SPRR2G: variants seen among roughly 807,000 people sequenced by gnomAD.
SPRR2G encodes the protein small proline-rich protein 2G.
SPRR2G carries 1 observed loss-of-function variant against 0.7 expected under a neutral mutation model. The observed-to-expected ratio is 1.49, with a 90% confidence interval of 0.53 to 7.06. The LOEUF (loss-of-function observed/expected upper bound fraction) is 7.06. SPRR2G is among the 30% of genes most tolerant of loss of function. SPRR2G has a pLI of 0.14. For synonymous variants in SPRR2G, 38 were observed against 33.9 expected (o/e 1.12, Z -0.42); for missense variants, 96 against 88.5 (o/e 1.09, Z -0.34).
the SPRR2G span, among the ~76,000 whole-genome samples, chr1:153,193,977 A>G: frequency 1.3e-5 from 2 of 152,264 alleles, no homozygotes; most frequent in South Asian, 4.2e-4. Context: ...AGATGAAGAA[A>G]CCAAAGACAC....
At chr1:153,183,509 T>C in the SPRR2G span, among the ~76,000 whole-genome samples, 1 of 152,118 alleles carries the variant, frequency 6.6e-6, no homozygotes, top group South Asian at 2.1e-4. Context: ...TGGCCACATA[T>C]ATGTCTTCTT....
chr1:153,151,621 T>C (rs115848828), upstream of SPRR2G, among the ~76,000 whole-genome samples: 595 of 152,294 alleles, frequency 3.9e-3, 9 homozygotes, highest in African/African-American at 0.013. Context: ...CTACTAGAAA[T>C]CCAAACTCAT....
the SPRR2G span, among the ~76,000 whole-genome samples, chr1:153,168,904 A>ATGTGTGTGTG: frequency 0.031 from 4,541 of 148,128 alleles, 86 homozygotes; most frequent in African/African-American, 0.05. Context: ...TCATGAGTGT[A>ATGTGTGTGTG]TGTGTGTGTG....
At chr1:153,190,401 TCAAGA>T in the SPRR2G span, 2 of 152,282 alleles carry the variant, frequency 1.3e-5, no homozygotes, top group Admixed American at 1.3e-4. Flanking sequence ...GTCTTCAGAT[TCAAGA>T]TGGAAGATAT....
the SPRR2G span, among the ~76,000 whole-genome samples, chr1:153,199,520 T>C: frequency 6.6e-6 from 1 of 152,192 alleles, no homozygotes; most frequent in Non-Finnish European, 1.5e-5. Context: ...AGGTCTTTCT[T>C]TCTCATTCCT....
At chr1:153,178,772 G>A in the SPRR2G span, among the ~76,000 whole-genome samples, 4 of 151,950 alleles carry the variant, frequency 2.6e-5, no homozygotes, top group Non-Finnish European at 5.9e-5. Flanking sequence ...TTCAATATCA[G>A]GGCTACGTTA....
the SPRR2G span, among the ~76,000 whole-genome samples, chr1:153,182,195 T>C: frequency 6.6e-6 from 1 of 152,188 alleles, no homozygotes; most frequent in Non-Finnish European, 1.5e-5. Context: ...CATATACTTG[T>C]TGGCCATTTG....
the SPRR2G span, among the ~76,000 whole-genome samples, chr1:153,193,978 C>T: frequency 1.3e-5 from 2 of 152,146 alleles, no homozygotes; most frequent in Admixed American, 1.3e-4. Flanking sequence ...GATGAAGAAA[C>T]CAAAGACACA....
the SPRR2G span, among the ~76,000 whole-genome samples, chr1:153,182,576 G>A: frequency 1.3e-5 from 2 of 152,002 alleles, no homozygotes; most frequent in African/African-American, 4.8e-5. Context: ...GGTGTGTGAT[G>A]TTCCCCTCCC....
the SPRR2G span, among the ~76,000 whole-genome samples, chr1:153,184,410 A>C: frequency 1.5e-3 from 232 of 152,290 alleles, 1 homozygote; most frequent in African/African-American, 5.3e-3. Context: ...TTATCCTTGA[A>C]GAGGTCCTTC....
At chr1:153,185,751 G>A in the SPRR2G span, among the ~76,000 whole-genome samples, 1 of 152,042 alleles carries the variant, frequency 6.6e-6, no homozygotes. Context: ...CTTGTCTCCT[G>A]CTAGCTTTTG....
chr1:153,177,672 G>A, the SPRR2G span, among the ~76,000 whole-genome samples: 1 of 152,058 alleles, frequency 6.6e-6, no homozygotes, highest in African/African-American at 2.4e-5. Context: ...CTATTTCTGA[G>A]TTCTTTATGC....
At chr1:153,195,930 G>T in the SPRR2G span, among the ~76,000 whole-genome samples, 5 of 152,276 alleles carry the variant, frequency 3.3e-5, no homozygotes, top group South Asian at 1.0e-3. Flanking sequence ...CATAGGTGGT[G>T]AGTGACTCCT....
chr1:153,168,366 C>G, the SPRR2G span, among the ~76,000 whole-genome samples: 1 of 152,190 alleles, frequency 6.6e-6, no homozygotes, highest in African/African-American at 2.4e-5. Context: ...ATATCAGGAG[C>G]TCAACTCAGC....
chr1:153,195,370 G>T, the SPRR2G span, among the ~76,000 whole-genome samples: 2 of 152,178 alleles, frequency 1.3e-5, no homozygotes, highest in Non-Finnish European at 2.9e-5. Flanking sequence ...GCAAGGATTG[G>T]ACACGTGGGC....
At chr1:153,193,787 A>G in the SPRR2G span, among the ~76,000 whole-genome samples, 6 of 152,016 alleles carry the variant, frequency 3.9e-5, no homozygotes, top group Non-Finnish European at 7.4e-5. Flanking sequence ...AGTAAATTAG[A>G]CCTGCCTCCA....
At chr1:153,174,773 G>A in the SPRR2G span, 1 of 152,162 alleles carries the variant, frequency 6.6e-6, no homozygotes, top group African/African-American at 2.4e-5. Flanking sequence ...TTTGCTACAG[G>A]CCCAAATTAT....
At chr1:153,173,457 A>T in the SPRR2G span, among the ~76,000 whole-genome samples, 10 of 152,302 alleles carry the variant, frequency 6.6e-5, 1 homozygote, top group Middle Eastern at 0.014. Flanking sequence ...CAGAAAAAAA[A>T]ATCTCAGATA....
At chr1:153,170,738 C>T in the SPRR2G span, among the ~76,000 whole-genome samples, 1 of 152,156 alleles carries the variant, frequency 6.6e-6, no homozygotes, top group African/African-American at 2.4e-5. Flanking sequence ...GACCCACATA[C>T]CAGGCCCCTC....
Sources: allele counts gnomAD v4.1 joint callset (sites outside exome capture counted in the v4.1 genomes callset), GRCh38; gene constraint gnomAD v4.1.1; transcripts MANE v1.5; gene names NCBI Gene and HGNC (gene_info 2026-07-23, HGNC 2026-07-21).